UBE2R2: variants seen among roughly 807,000 people sequenced by gnomAD.
The protein encoded by UBE2R2 is ubiquitin conjugating enzyme E2 R2, also known as ubiquitin-conjugating enzyme E2 R2.
Under a neutral mutation model 27.8 loss-of-function variants are expected in UBE2R2, and 1 was observed. The ratio of observed to expected loss-of-function variants is 0.04; its 90% CI spans 0.01 to 0.17. The LOEUF is 0.17. UBE2R2 is among the 10% of genes least tolerant of loss of function. UBE2R2 has a pLI of 1.00. For synonymous variants in UBE2R2, 106 were observed against 113.3 expected (o/e 0.94, Z 0.41); for missense variants, 100 against 291.0 (o/e 0.34, Z 4.78).
At chr9:33,910,583 G>C (rs1822461662) in intron 3 of UBE2R2, among the ~76,000 whole-genome samples, 1 of 152,164 alleles carries the variant, frequency 6.6e-6, no homozygotes, top group African/African-American at 2.4e-5. Context: ...CATCTAACTT[G>C]CTCACCATTG....
Position 33,841,081 on chromosome 9 carries a change from C to T in UBE2R2, c.177+23147C>T, listed in dbSNP as rs928753923. Among the ~76,000 whole-genome samples, 8 of 151,646 alleles carry T rather than the reference C, an allele frequency of 5.3e-5. No homozygotes were observed. In the East Asian group the frequency reaches 5.8e-4, roughly 11 times the overall value. ...CTGGAATTATAAGCACCTGCCACCACGCCTGATTTTTTTTTTTTTGAGACG... is the reference window on the plus strand; with the variant it reads ...CTGGAATTATAAGCACCTGCCACCATGCCTGATTTTTTTTTTTTTGAGACG... On this transcript the variant is annotated intron_variant, in intron 1 of 4. Transcript: ENST00000263228.
Position 33,919,578 on chromosome 9 carries a change from G to A in UBE2R2, c.*2341G>A, listed in dbSNP as rs1052426488. On this transcript the variant is annotated 3_prime_UTR_variant, in exon 5 of 5. Transcript: ENST00000263228. ...GTCAAGGGCTGGGTTTGCCTCTGAT[G>A]AGTACAATCAGTTCCAGAAGACTGG... 2 of 150,174 alleles carry A rather than the reference G, an allele frequency of 1.3e-5. No individual in the cohort carries two copies. The highest frequency in any genetic ancestry group is 2.5e-5 in the African/African-American group (1 of 40,330). 9.3% of individuals were successfully genotyped at this position (150,174 alleles called of 1,614,324 possible).
At chr9:33,822,453 G>A (rs1378989629) in intron 1 of UBE2R2, among the ~76,000 whole-genome samples, 2 of 128,864 alleles carry the variant, frequency 1.6e-5, no homozygotes, top group East Asian at 4.8e-4. Context: ...AAGAGATAGG[G>A]TCTCACTTTG....
intron 1 of UBE2R2, among the ~76,000 whole-genome samples, chr9:33,837,634 A>G (rs896615311): frequency 6.6e-6 from 1 of 152,028 alleles, no homozygotes; most frequent in African/African-American, 2.4e-5. Flanking sequence ...TGTGTTGCCC[A>G]GGCTGTTCTT....
intron 1 of UBE2R2, among the ~76,000 whole-genome samples, chr9:33,876,609 G>A (rs540998534): frequency 6.6e-6 from 1 of 152,170 alleles, no homozygotes; most frequent in South Asian, 2.1e-4. Flanking sequence ...CTTTAGGCAT[G>A]ATGCTTTAAA....
chr9:33,816,883 C>T (rs1825777164), upstream of UBE2R2, among the ~76,000 whole-genome samples: 1 of 152,240 alleles, frequency 6.6e-6, no homozygotes, highest in African/African-American at 2.4e-5. Flanking sequence ...ACTCTGGGGC[C>T]ACGGCAATCC....
intron 1 of UBE2R2, among the ~76,000 whole-genome samples, chr9:33,844,266 G>A (rs933632887): frequency 3.8e-4 from 58 of 152,190 alleles, no homozygotes; most frequent in African/African-American, 1.1e-3. Context: ...GTGCAGTGGC[G>A]CGATCTCCGC....
At chr9:33,823,635 C>A (rs1820225577) in intron 1 of UBE2R2, among the ~76,000 whole-genome samples, 1 of 152,184 alleles carries the variant, frequency 6.6e-6, no homozygotes, top group Non-Finnish European at 1.5e-5. Flanking sequence ...CTTGGCCTCC[C>A]AAAGTGCTGG....
intron 2 of UBE2R2, among the ~76,000 whole-genome samples, chr9:33,898,794 A>G (rs1015848021): frequency 6.6e-6 from 1 of 152,210 alleles, no homozygotes; most frequent in African/African-American, 2.4e-5. Flanking sequence ...AAATAAATAA[A>G]TAAATCTTAC....
intron 3 of UBE2R2, among the ~76,000 whole-genome samples, chr9:33,910,139 G>C (rs149072182): frequency 6.6e-6 from 1 of 151,950 alleles, no homozygotes; most frequent in Non-Finnish European, 1.5e-5. Flanking sequence ...AGCCTATTAC[G>C]CTTTTATTTA....
chr9:33,848,096 T>C lies in UBE2R2; in HGVS notation c.177+30162T>C, dbSNP rs540996950. On this transcript the variant is annotated intron_variant, in intron 1 of 4. Transcript: ENST00000263228. ...AGTTAACTAATTCTGTTTTATACTG[T>C]CTATCCAATGAGTTACAGATTCTAG... Among the ~76,000 whole-genome samples the C allele has an allele frequency of 3.3e-5, 5 of 152,276 alleles. No homozygotes were observed. The South Asian group carries it at 6.2e-4, about 19-fold the overall frequency.
In UBE2R2 at chr9:33,817,718, G is replaced by GGGGCCC. The variant is rs1186111217; in HGVS notation, c.-31_-26dup. On this transcript the variant is annotated 5_prime_UTR_variant, in exon 1 of 5. Coordinates refer to ENST00000263228, the MANE Select transcript of UBE2R2 (RefSeq NM_017811.4). ...CCGGCCCGGCCGGTGCGTGAGGACT[G>GGGGCCC]GGGCCCGGGCCCGGCGCCGCCGCCG... 1.6e-5 allele frequency: 24 copies of GGGGCCC among 1,461,464 alleles called. No individual in the cohort carries two copies. Among genetic ancestry groups the GGGGCCC allele is most frequent in the Non-Finnish European group, 2.2e-5 (24 of 1,104,306 alleles). The allele number at this position is 1,461,464 out of a possible 1,614,324, so 90.5% of individuals were successfully genotyped here.
intron 1 of UBE2R2, among the ~76,000 whole-genome samples, chr9:33,853,018 A>G (rs527645403): frequency 1.4e-5 from 2 of 145,238 alleles, no homozygotes; most frequent in East Asian, 3.9e-4. Context: ...AAATAAATAA[A>G]TGAAAATTGT....
At chr9:33,848,046 C>T (rs868537171) in intron 1 of UBE2R2, among the ~76,000 whole-genome samples, 3 of 152,032 alleles carry the variant, frequency 2.0e-5, no homozygotes, top group African/African-American at 2.4e-5. Context: ...GGAGCCACTG[C>T]GCCTGGCCTG....
intron 1 of UBE2R2, among the ~76,000 whole-genome samples, chr9:33,832,119 A>G (rs2130727286): frequency 7.0e-6 from 1 of 142,126 alleles, no homozygotes; most frequent in South Asian, 2.3e-4. Flanking sequence ...GACCAGCCTG[A>G]CCAATATGGA....
intron 1 of UBE2R2, among the ~76,000 whole-genome samples, chr9:33,818,208 G>C (rs549482588): frequency 4.2e-4 from 64 of 152,270 alleles, no homozygotes; most frequent in African/African-American, 1.5e-3. Context: ...TCTACGGGCG[G>C]AGGAGGCCGC....
rs578169062 is a variant in UBE2R2, at chr9:33,876,682, G to A, written c.178-10199G>A. Among the ~76,000 whole-genome samples the A allele has an allele frequency of 5.3e-5, 8 of 152,280 alleles. No individual in the cohort carries two copies. The East Asian group carries it at 1.4e-3, about 26-fold the overall frequency. ...TGTAATCCCAGCACTTTGAGAGGCC[G>A]AGGTGGGCGGATCACGAGGTCAGGA... On this transcript the variant is annotated intron_variant, in intron 1 of 4. Coordinates refer to ENST00000263228, the MANE Select transcript of UBE2R2 (RefSeq NM_017811.4).
At chr9:33,881,633 G>A (rs1231813620) in intron 1 of UBE2R2, among the ~76,000 whole-genome samples, 1 of 152,096 alleles carries the variant, frequency 6.6e-6, no homozygotes, top group African/African-American at 2.4e-5. Context: ...GTCAGGTTTG[G>A]TAGAATATTC....
intron 1 of UBE2R2, chr9:33,818,734 G>A (rs1825898276): frequency 6.6e-6 from 1 of 152,094 alleles, no homozygotes; most frequent in South Asian, 2.1e-4. Flanking sequence ...AACGAGTCAT[G>A]TAGGGAGACT....
Sources: gnomAD v4.1 joint callset for allele counts (sites outside exome capture counted in the v4.1 genomes callset) on GRCh38, gnomAD v4.1.1 for gene constraint, MANE v1.5 for transcripts, NCBI Gene and HGNC (gene_info 2026-07-23, HGNC 2026-07-21) for gene names.